OTOGL: variants seen among roughly 807,000 people sequenced by gnomAD.
The protein encoded by OTOGL is otogelin-like protein.
OTOGL carries 285 observed loss-of-function variants against 318.5 expected under a neutral mutation model. The observed-to-expected ratio is 0.89, with a 90% confidence interval of 0.81 to 0.99. The LOEUF is 0.99. OTOGL is among the 50% of genes least tolerant of loss of function. The pLI, the probability that OTOGL is intolerant of heterozygous loss-of-function variation, is 0.00. For missense variants in OTOGL, 2,899 were observed against 2,845.6 expected (o/e 1.02, Z -0.43); for synonymous variants, 987 against 936.5 (o/e 1.05, Z -0.99).
In OTOGL at chr12:80,253,366, T is replaced by C. The variant is rs1461782967; in HGVS notation, c.1286-100T>C. The C allele has an allele frequency of 2.0e-5, 21 of 1,034,414 alleles. 1 individual carries two copies. In the South Asian group the frequency reaches 2.2e-4, roughly 11 times the overall value. The allele number at this position is 1,034,414 out of a possible 1,614,324, so 64.1% of individuals were successfully genotyped here. A position where few individuals can be genotyped will look rare whatever the true frequency, so the allele number is the denominator to read the frequency against. On this transcript the variant is annotated intron_variant, in intron 13 of 58. Coordinates refer to ENST00000547103, the MANE Select transcript of OTOGL (RefSeq NM_001378609.3). ...AAAGAAATTTGTATTTCCAGCATCATGCGTAGGTATTCAACAGAAGTTGGT... is the reference window on the plus strand; with the variant it reads ...AAAGAAATTTGTATTTCCAGCATCACGCGTAGGTATTCAACAGAAGTTGGT...
chr12:80,250,467 C>G (rs565320366), intron 11 of OTOGL, among the ~76,000 whole-genome samples: 1 of 152,068 alleles, frequency 6.6e-6, no homozygotes, highest in African/African-American at 2.4e-5. Context: ...TTAAAACCAC[C>G]GTTAATGTAG....
intron 53 of OTOGL, 34 bp downstream of exon 53, chr12:80,366,671 A>T: frequency 1.1e-6 from 1 of 952,306 alleles, no homozygotes; most frequent in Non-Finnish European, 1.4e-6. Flanking sequence ...TAAATTATAA[A>T]TGAATATCAT....
chr12:80,380,195 G>C lies in OTOGL; in HGVS notation c.*2147G>C, dbSNP rs1592467008. ...AGATAGGAGTTACAAAAGAAAATAGGGAAGAAATCTTAGATTGGGGAGAGC... is the reference window on the plus strand; with the variant it reads ...AGATAGGAGTTACAAAAGAAAATAGCGAAGAAATCTTAGATTGGGGAGAGC... On this transcript the variant is annotated 3_prime_UTR_variant, in exon 59 of 59. Coordinates refer to ENST00000547103, the MANE Select transcript of OTOGL (RefSeq NM_001378609.3). 6.6e-6 allele frequency: 1 copy of C among 151,812 alleles called. No individual in the cohort carries two copies. The highest frequency in any genetic ancestry group is 1.5e-5 in the Non-Finnish European group (1 of 67,882). The allele number at this position is 151,812 out of a possible 1,614,324, so 9.4% of individuals were successfully genotyped here.
At chr12:80,155,857 G>T (rs1387173507) in intron 1 of OTOGL, among the ~76,000 whole-genome samples, 1 of 152,128 alleles carries the variant, frequency 6.6e-6, no homozygotes, top group Non-Finnish European at 1.5e-5. Flanking sequence ...ACAGATAAGT[G>T]AGAACGTGTG....
chr12:80,291,372 AT>A (rs748305475), intron 26 of OTOGL, among the ~76,000 whole-genome samples: 7 of 152,228 alleles, frequency 4.6e-5, no homozygotes, highest in Admixed American at 1.3e-4. Context: ...AAGAATAATT[AT>A]TGTTCATATA....
At chr12:80,265,241 A>G (rs1403093099) in intron 20 of OTOGL, 31 bp downstream of exon 20, 3 of 1,578,204 alleles carry the variant, frequency 1.9e-6, no homozygotes, top group South Asian at 2.2e-5. Flanking sequence ...AAAGACTATC[A>G]GATAATACCT....
chr12:80,300,870 G>A (rs1485150218), intron 27 of OTOGL, among the ~76,000 whole-genome samples: 2 of 152,192 alleles, frequency 1.3e-5, no homozygotes, highest in South Asian at 2.1e-4. Flanking sequence ...CATAGCTGAA[G>A]CTTAGTCAGT....
At chr12:80,331,984 G>A (rs35473950) in intron 37 of OTOGL, among the ~76,000 whole-genome samples, 4,201 of 152,158 alleles carry the variant, frequency 0.028, 202 homozygotes, top group African/African-American at 0.094. Flanking sequence ...TTCGTGCTGT[G>A]GTTCCGAAGT....
At chr12:80,185,975 G>A (rs1470447211) in intron 1 of OTOGL, among the ~76,000 whole-genome samples, 1 of 152,106 alleles carries the variant, frequency 6.6e-6, no homozygotes, top group Non-Finnish European at 1.5e-5. Context: ...AGAAACACAG[G>A]CCACTAAGGC....
At chr12:80,336,856 G>T (rs760693380) in intron 41 of OTOGL, 36 bp downstream of exon 41, 17 of 1,537,244 alleles carry the variant, frequency 1.1e-5, no homozygotes, top group Non-Finnish European at 1.4e-5. Flanking sequence ...CATTCATTCT[G>T]TTTATCACTA....
In OTOGL at chr12:80,239,401, A is replaced by G. The variant is rs749999278; in HGVS notation, c.1014A>G (p.Pro338=). 5 of 1,606,700 alleles carry G rather than the reference A, an allele frequency of 3.1e-6. No individual in the cohort carries two copies. Among genetic ancestry groups the G allele is most frequent in the East Asian group, 2.2e-5 (1 of 44,716 alleles). Reference sequence around the variant, plus strand: ...TGAGCTGCCATGAGTATATCGATCCATACTTATATATTGCCAGCTGTGTTA... The same window carrying G: ...TGAGCTGCCATGAGTATATCGATCCGTACTTATATATTGCCAGCTGTGTTA... ...PFLSCHEYID[P]YLYIASCVND... The change falls in exon 11 of 59, where the codon CCA becomes CCG. Residue 338 remains proline, a synonymous_variant. Coordinates refer to ENST00000547103, the MANE Select transcript of OTOGL (RefSeq NM_001378609.3).
At chr12:80,204,964 A>G (rs1016960229) in intron 1 of OTOGL, among the ~76,000 whole-genome samples, 3 of 152,196 alleles carry the variant, frequency 2.0e-5, no homozygotes, top group Non-Finnish European at 2.9e-5. Context: ...CCTGCCAGAC[A>G]TGGACCCCAA....
intron 5 of OTOGL, 79 bp from the exon 6 acceptor site, chr12:80,219,735 C>G (rs1592562397): frequency 1.1e-6 from 1 of 903,666 alleles, no homozygotes; most frequent in East Asian, 2.6e-5. Context: ...ACAATTTGTC[C>G]AAGCTATATC....
chr12:80,286,448 G>A (rs542937936), intron 26 of OTOGL, among the ~76,000 whole-genome samples: 1 of 152,270 alleles, frequency 6.6e-6, no homozygotes, highest in East Asian at 1.9e-4. Flanking sequence ...AGAAGGAATG[G>A]TACCAGCTCC....
At chr12:80,178,061 C>CTTTTTTTTTTTTTTTTTT (rs71094968) in intron 1 of OTOGL, among the ~76,000 whole-genome samples, 3 of 74,920 alleles carry the variant, frequency 4.0e-5, no homozygotes, top group Admixed American at 1.7e-4. Context: ...TTCTTTCTTT[C>CTTTTTTTTTTTTTTTTTT]TTTTTTTTTT....
At chr12:80,257,425 G>A (rs1592618453) in intron 17 of OTOGL, among the ~76,000 whole-genome samples, 1 of 151,996 alleles carries the variant, frequency 6.6e-6, no homozygotes, top group East Asian at 1.9e-4. Context: ...TGAGGAATGA[G>A]GAGGAGGTCA....
chr12:80,146,955 C>A (rs1470571010), intron 1 of OTOGL, among the ~76,000 whole-genome samples: 33 of 151,470 alleles, frequency 2.2e-4, no homozygotes, highest in Non-Finnish European at 8.8e-5. Flanking sequence ...CTCTTTTTTT[C>A]TTTATTAGTC....
chr12:80,266,004 C>G (rs1882928439), intron 20 of OTOGL: 1 of 153,896 alleles, frequency 6.5e-6, no homozygotes, highest in African/African-American at 2.4e-5. Flanking sequence ...TATCACCTTT[C>G]TATACTATGA....
intron 42 of OTOGL, 67 bp from the exon 43 acceptor site, chr12:80,339,008 A>G (rs1888580437): frequency 1.6e-6 from 2 of 1,244,494 alleles, no homozygotes; most frequent in East Asian, 2.5e-5. Context: ...TAAAGGAATA[A>G]TCTGTATTCT....
Sources: allele counts gnomAD v4.1 joint callset (sites outside exome capture counted in the v4.1 genomes callset), GRCh38; gene constraint gnomAD v4.1.1; transcripts MANE v1.5; gene names NCBI Gene and HGNC (gene_info 2026-07-23, HGNC 2026-07-21).